Variants in ATF7 observed in about 807,000 individuals in gnomAD.
ATF7 encodes activating transcription factor 7.
ATF7 carries 10 observed loss-of-function variants against 50.4 expected under a neutral mutation model. The observed-to-expected ratio is 0.20, with a 90% CI of 0.12 to 0.34. The LOEUF is 0.34. ATF7 is among the 10% of genes least tolerant of loss of function. The pLI is 1.00. For missense variants in ATF7, 465 were observed against 613.9 expected (o/e 0.76, Z 2.56); for synonymous variants, 201 against 226.4 (o/e 0.89, Z 1.01).
chr12:53,556,761 C>A (rs374236545), intron 2 of ATF7, among the ~76,000 whole-genome samples: 1 of 152,148 alleles, frequency 6.6e-6, no homozygotes, highest in African/African-American at 2.4e-5. Flanking sequence ...TGGGCCTAAG[C>A]CAGGGGGCTG....
chr12:53,529,061 G>A (rs916350059), intron 9 of ATF7, among the ~76,000 whole-genome samples: 1 of 152,058 alleles, frequency 6.6e-6, no homozygotes, highest in Non-Finnish European at 1.5e-5. Context: ...GCAACATGGC[G>A]AGTCTCCATC....
chr12:53,593,774 T>C (rs972751942), intron 2 of ATF7, among the ~76,000 whole-genome samples: 4 of 152,220 alleles, frequency 2.6e-5, no homozygotes, highest in African/African-American at 9.6e-5. Context: ...CCAGAAGACT[T>C]TACTAACAGC....
chr12:53,523,425 C>T (rs759489337), intron 10 of ATF7, 41 bp from the exon 11 acceptor site: 3 of 1,435,094 alleles, frequency 2.1e-6, no homozygotes, highest in Non-Finnish European at 2.9e-6. Context: ...GAAAATTCAT[C>T]CTCTACTCTT....
In ATF7 at chr12:53,529,342, G is replaced by A. The variant is rs1211983509; in HGVS notation, c.927+2402C>T. Among the ~76,000 whole-genome samples the A allele has an allele frequency of 5.3e-5, 8 of 152,236 alleles. No individual in the cohort carries two copies. The South Asian group carries it at 1.5e-3, about 28-fold the overall frequency. ...GGCCTCCTGAGTAGCTGGGATTACAGGCGTGCGCCACCACGCCTGGCTAAT... is the reference window on the plus strand; with the variant it reads ...GGCCTCCTGAGTAGCTGGGATTACAAGCGTGCGCCACCACGCCTGGCTAAT... On this transcript the variant is annotated intron_variant, in intron 9 of 11. Coordinates refer to ENST00000420353, the MANE Select transcript of ATF7 (RefSeq NM_006856.3).
At chr12:53,549,425 C>CA (rs1401813343) in intron 3 of ATF7, among the ~76,000 whole-genome samples, 1 of 148,900 alleles carries the variant, frequency 6.7e-6, no homozygotes, top group East Asian at 2.0e-4. Flanking sequence ...TTTTTCAAGA[C>CA]AGAGTTTTGC....
chr12:53,610,992 C>A (rs1173639079), intron 1 of ATF7, among the ~76,000 whole-genome samples: 4 of 151,372 alleles, frequency 2.6e-5, no homozygotes, highest in Non-Finnish European at 4.4e-5. Context: ...ATGCCCAGCT[C>A]ATTTTTTTTT....
intron 3 of ATF7, among the ~76,000 whole-genome samples, chr12:53,546,545 A>G (rs1939930669): frequency 2.0e-5 from 3 of 147,582 alleles, no homozygotes; most frequent in East Asian, 4.1e-4. Flanking sequence ...ACCTCCCAGG[A>G]TCACGTGATT....
rs765711886 is a variant in ATF7 at position 53,524,737 on chromosome 12, T to A, written c.952A>T (p.Ser318Cys). ...GTGCGCCGCCGTCGCCCCCCAGTAC[T>A]AGGGGTGGGCTGAGCTGGTGAGACC... is the stretch of plus-strand genomic sequence containing the variant. ...PQVSPAQPTP[S>C]TGGRRRRTVD... The change falls in exon 10 of 12, where the codon AGT (serine) becomes TGT (cysteine). Residue 318 changes from serine (S) to cysteine (C), a missense_variant. Ser to Cys is a moderately radical substitution (Grantham distance 112). Coordinates refer to ENST00000420353, the MANE Select transcript of ATF7 (RefSeq NM_006856.3). This position sits in a 1 kb window ranked among gnomAD's most constrained non-coding sequence, Gnocchi z 4.6. 2 of 1,610,286 alleles carry A rather than the reference T, an allele frequency of 1.2e-6. No homozygotes were observed.
At chr12:53,562,830 C>CA (rs1941221854) in intron 2 of ATF7, among the ~76,000 whole-genome samples, 1 of 151,676 alleles carries the variant, frequency 6.6e-6, no homozygotes. Context: ...AATAGAATTT[C>CA]AAAAATTGTA....
chr12:53,519,846 A>G (rs1241989558), intron 11 of ATF7, among the ~76,000 whole-genome samples: 1 of 152,024 alleles, frequency 6.6e-6, no homozygotes, highest in African/African-American at 2.4e-5. Context: ...TCCTGGGTTC[A>G]AGCGATTCTC....
At chr12:53,555,278 T>G (rs1222036247) in intron 2 of ATF7, among the ~76,000 whole-genome samples, 1 of 150,712 alleles carries the variant, frequency 6.6e-6, no homozygotes, top group African/African-American at 2.4e-5. Context: ...TGAGCCGAGA[T>G]TGCGCCATTG....
intron 2 of ATF7, among the ~76,000 whole-genome samples, chr12:53,585,725 T>G (rs1466501292): frequency 6.6e-6 from 1 of 151,780 alleles, no homozygotes; most frequent in Non-Finnish European, 1.5e-5. Context: ...CCCCAGACAC[T>G]GATTTTTCTA....
chr12:53,562,551 G>C (rs1363021943), intron 2 of ATF7, among the ~76,000 whole-genome samples: 2 of 152,012 alleles, frequency 1.3e-5, no homozygotes, highest in Non-Finnish European at 2.9e-5. Flanking sequence ...GCTGAGGCAG[G>C]AGAATCACTT....
intron 4 of ATF7, chr12:53,542,783 A>G: frequency 5.5e-6 from 2 of 366,052 alleles, no homozygotes; most frequent in Non-Finnish European, 7.6e-6. Context: ...GTCCTGGTTG[A>G]TCTCCTTTGA....
intron 1 of ATF7, among the ~76,000 whole-genome samples, chr12:53,611,063 A>G (rs945182117): frequency 9.9e-5 from 15 of 152,060 alleles, no homozygotes; most frequent in African/African-American, 3.4e-4. Context: ...CCTGGGCTCA[A>G]GCGATCCTCC....
chr12:53,552,576 A>G lies in ATF7; in HGVS notation c.110T>C (p.Phe37Ser). Reference protein sequence around the residue: ...HKHKHEMTLKFGPARTDSVII... With the variant: ...HKHKHEMTLKSGPARTDSVII... ...GACTGAGTCAGTTCGGGCTGGGCCA[A>G]ATTTCAATGTCATCTCATGCTTGTG... The change falls in exon 3 of 12, where the codon TTT becomes TCT. Residue 37 changes from phenylalanine (F) to serine (S), a missense_variant. Phe to Ser is a radical substitution (Grantham distance 155). Coordinates refer to ENST00000420353, the MANE Select transcript of ATF7 (RefSeq NM_006856.3). 6.2e-7 allele frequency: 1 copy of G among 1,613,950 alleles called. No homozygotes were observed. Among genetic ancestry groups the G allele is most frequent in the Non-Finnish European group, 8.5e-7 (1 of 1,179,864 alleles).
At chr12:53,602,986 T>G (rs1943463417) in intron 1 of ATF7, among the ~76,000 whole-genome samples, 2 of 152,214 alleles carry the variant, frequency 1.3e-5, no homozygotes, top group African/African-American at 4.8e-5. Context: ...TTTCACTACA[T>G]GTCCCAGAAT....
intron 3 of ATF7, among the ~76,000 whole-genome samples, chr12:53,548,986 A>G (rs533706999): frequency 4.6e-5 from 7 of 152,042 alleles, no homozygotes; most frequent in Non-Finnish European, 7.4e-5. Context: ...CTCTGTCTCC[A>G]AAAAATACCC....
chr12:53,580,942 T>C (rs1226194123), intron 2 of ATF7, among the ~76,000 whole-genome samples: 1 of 151,236 alleles, frequency 6.6e-6, no homozygotes, highest in East Asian at 2.0e-4. Flanking sequence ...TGAAACCCTG[T>C]CTCTACTAAA....
Sources: allele counts gnomAD v4.1 joint callset (sites outside exome capture counted in the v4.1 genomes callset), GRCh38; gene constraint gnomAD v4.1.1; non-coding constraint Gnocchi (gnomAD v3.1); transcripts MANE v1.5; gene names NCBI Gene and HGNC (gene_info 2026-07-23, HGNC 2026-07-21).